PHC3: variants seen among roughly 807,000 people sequenced by gnomAD.
PHC3 encodes the protein polyhomeotic-like protein 3.
PHC3 carries 13 observed loss-of-function variants against 107.4 expected under a neutral mutation model. The ratio of observed to expected loss-of-function variants is 0.12; its 90% CI spans 0.08 to 0.19. The LOEUF (loss-of-function observed/expected upper bound fraction) is 0.19, where lower values mean the gene tolerates loss of function less well. PHC3 is among the 10% of genes least tolerant of loss of function. The pLI is 1.00. For synonymous variants in PHC3, 456 were observed against 427.4 expected, an observed-to-expected ratio of 1.07 and a Z score of -0.83; for missense variants, 992 against 1,210.9, an observed-to-expected ratio of 0.82 and a Z score of 2.68.
intron 4 of PHC3, among the ~76,000 whole-genome samples, chr3:170,156,666 T>C (rs1188891013): frequency 1.4e-5 from 2 of 147,836 alleles, no homozygotes; most frequent in African/African-American, 2.5e-5. Flanking sequence ...GGCGCCATCT[T>C]GGCTCACTGC....
intron 6 of PHC3, among the ~76,000 whole-genome samples, chr3:170,137,005 T>C (rs1002007520): frequency 3.9e-5 from 6 of 152,126 alleles, no homozygotes; most frequent in Non-Finnish European, 8.8e-5. Flanking sequence ...AGTATGTATA[T>C]ATATATACAG....
rs540876605 is a variant in PHC3 at position 170,125,741 on chromosome 3, G to A, written c.1788+2943C>T. Among the ~76,000 whole-genome samples the A allele has an allele frequency of 1.6e-4, 25 of 152,200 alleles. No homozygotes were observed. In the South Asian group the frequency reaches 2.7e-3, roughly 16 times the overall value. ...ACTTCCAGAACTCTCATATAAAGGCGAAATAAGTGCATGAATAAAAGAAGT... is the reference window on the plus strand; with the variant it reads ...ACTTCCAGAACTCTCATATAAAGGCAAAATAAGTGCATGAATAAAAGAAGT... On this transcript the variant is annotated intron_variant, in intron 8 of 14. Transcript: ENST00000495893.
At position 170,180,846 on chromosome 3, in the gene PHC3, C is replaced by A. The variant is rs183552244; in HGVS notation, c.14+856G>T. Among the ~76,000 whole-genome samples the A allele has an allele frequency of 1.5e-3, 235 of 152,300 alleles. 1 individual carries two copies. Among genetic ancestry groups the A allele is most frequent in the Middle Eastern group, 6.8e-3 (2 of 294 alleles). On this transcript the variant is annotated intron_variant, in intron 1 of 14. Coordinates refer to ENST00000495893, the MANE Select transcript of PHC3 (RefSeq NM_024947.4). The stretch of plus-strand genomic sequence containing the variant: ...GGTCACAGAGAATCCAAATTCTCGG[C>A]ATAAGTCTAAACATCGGTTGAGCGG...
intron 8 of PHC3, among the ~76,000 whole-genome samples, chr3:170,125,380 T>C (rs73181215): frequency 0.25 from 38,252 of 152,124 alleles, 5,487 homozygotes; most frequent in East Asian, 0.49. Flanking sequence ...GAGATGTTAA[T>C]TCAGAGATAA....
At chr3:170,115,412 G>GTATGTA (rs1718721507) in intron 10 of PHC3, among the ~76,000 whole-genome samples, 1 of 151,828 alleles carries the variant, frequency 6.6e-6, no homozygotes, top group African/African-American at 2.4e-5. Flanking sequence ...TAAAACCACA[G>GTATGTA]TATGTATATG....
chr3:170,144,019 A>C (rs1724538133), intron 6 of PHC3, among the ~76,000 whole-genome samples: 1 of 152,102 alleles, frequency 6.6e-6, no homozygotes, highest in Admixed American at 6.6e-5. Context: ...ATTTCTGAGC[A>C]GTATTCCACT....
intron 5 of PHC3, chr3:170,148,843 G>T (rs78600327): frequency 1.2e-3 from 438 of 357,780 alleles, no homozygotes; most frequent in African/African-American, 6.2e-3. Context: ...TCACTCTTAC[G>T]TTACTGAATC....
Position 170,119,613 on chromosome 3 carries a change from G to C in PHC3, c.1943-2137C>G, listed in dbSNP as rs183214006. Among the ~76,000 whole-genome samples the C allele has an allele frequency of 6.8e-4, 103 of 152,216 alleles. 1 individual carries two copies. The highest frequency in any genetic ancestry group is 2.4e-3 in the African/African-American group (100 of 41,548). Reference sequence around the variant, plus strand: ...ATTACGCCCTCTAGATTTAAGAGAAGTATGAGAGAAAACCCAAGTTCTAAC... The same window carrying C: ...ATTACGCCCTCTAGATTTAAGAGAACTATGAGAGAAAACCCAAGTTCTAAC... On this transcript the variant is annotated intron_variant, in intron 9 of 14. Transcript: ENST00000495893.
intron 2 of PHC3, among the ~76,000 whole-genome samples, chr3:170,175,373 G>A (rs775777339): frequency 5.3e-4 from 81 of 152,248 alleles, no homozygotes; most frequent in Non-Finnish European, 8.5e-4. Context: ...TCAGTCAGGC[G>A]TGGTGGCTCA....
chr3:170,171,032 T>C, intron 4 of PHC3: 1 of 309,940 alleles, frequency 3.2e-6, no homozygotes, highest in Non-Finnish European at 5.8e-6. Context: ...GGACATGACA[T>C]ACTATTGTAT....
intron 4 of PHC3, among the ~76,000 whole-genome samples, chr3:170,159,068 G>A (rs1039877415): frequency 2.6e-5 from 4 of 151,914 alleles, no homozygotes; most frequent in Non-Finnish European, 5.9e-5. Flanking sequence ...TGGCTAACAT[G>A]GTGAAACCGC....
At chr3:170,126,522 A>AT (rs1448527939) in intron 8 of PHC3, among the ~76,000 whole-genome samples, 21 of 80,724 alleles carry the variant, frequency 2.6e-4, no homozygotes, top group Non-Finnish European at 3.3e-4. Context: ...ATATATATAT[A>AT]TATATATTTT....
At chr3:170,126,525 T>TAC in intron 8 of PHC3, among the ~76,000 whole-genome samples, 1 of 77,960 alleles carries the variant, frequency 1.3e-5, no homozygotes, top group East Asian at 4.9e-4. Context: ...TATATATATA[T>TAC]ATATTTTTTT....
chr3:170,143,941 T>C (rs1383375702), intron 6 of PHC3, among the ~76,000 whole-genome samples: 1 of 151,960 alleles, frequency 6.6e-6, no homozygotes, highest in African/African-American at 2.4e-5. Context: ...AGAGTATGTA[T>C]CCCTTATACC....
At position 170,129,441 on chromosome 3, in the gene PHC3, T is replaced by C. The variant is rs1294916096; in HGVS notation, c.1031A>G (p.Gln344Arg). 6.2e-7 allele frequency: 1 copy of C among 1,613,840 alleles called. No homozygotes were observed. The highest frequency in any genetic ancestry group is 8.5e-7 in the Non-Finnish European group (1 of 1,179,878). ...CTGAAGTGTGATTGGCTGAATTTGC[T>C]GTTGCTGCTGTTGTAATATCAGCTG... is the stretch of plus-strand genomic sequence containing the variant. ...HHQLILQQQQ[Q>R]QIQPITLQNS... The change falls in exon 8 of 15, where the codon CAG becomes CGG. Residue 344 changes from glutamine (Q) to arginine (R), a missense_variant. Gln to Arg is a conservative substitution (Grantham distance 43). Around this residue, in one of 6 missense-constraint regions of PHC3, gnomAD observed 543 missense variants for 590.8 expected, o/e 0.92. Coordinates refer to ENST00000495893, the MANE Select transcript of PHC3 (RefSeq NM_024947.4).
intron 4 of PHC3, among the ~76,000 whole-genome samples, chr3:170,149,692 G>A (rs1400108004): frequency 6.6e-6 from 1 of 152,100 alleles, no homozygotes. Context: ...CTGACCTTAG[G>A]TTATCCACCC....
At chr3:170,133,022 T>C (rs1346976180) in intron 7 of PHC3, among the ~76,000 whole-genome samples, 3 of 152,142 alleles carry the variant, frequency 2.0e-5, no homozygotes, top group Non-Finnish European at 4.4e-5. Flanking sequence ...TAAAAATACA[T>C]ATAAGAAAAC....
chr3:170,179,070 AC>A, intron 1 of PHC3, 132 bp from the exon 2 acceptor site: 1 of 819,448 alleles, frequency 1.2e-6, no homozygotes, highest in South Asian at 1.7e-5. Flanking sequence ...CAGCCAACAC[AC>A]AGTCACTATA....
intron 11 of PHC3, among the ~76,000 whole-genome samples, chr3:170,111,589 A>G (rs1694243875): frequency 6.6e-6 from 1 of 152,246 alleles, no homozygotes; most frequent in South Asian, 2.1e-4. Context: ...GGGATTTATT[A>G]TACGATTCTA....
Sources: gnomAD v4.1 joint callset for allele counts (sites outside exome capture counted in the v4.1 genomes callset) on GRCh38, gnomAD v4.1.1 for gene constraint, gnomAD v4.1.1 regional missense constraint, MANE v1.5 for transcripts, NCBI Gene and HGNC (gene_info 2026-07-23, HGNC 2026-07-21) for gene names.